The following NPIPB2 variants were observed in gnomAD, a reference collection of about 807,000 sequenced individuals.
The protein encoded by NPIPB2 is nuclear pore complex interacting protein family member B2.
Under a neutral mutation model 30.8 loss-of-function variants are expected in NPIPB2, and 27 were observed. The observed-to-expected ratio is 0.88, with a 90% confidence interval of 0.65 to 1.21. The LOEUF (loss-of-function observed/expected upper bound fraction) is 1.21. Ranked by LOEUF, NPIPB2 falls within the 50% of genes most tolerant of loss-of-function variation. The pLI, the probability that NPIPB2 is intolerant of heterozygous loss-of-function variation, is 0.00. For missense variants in NPIPB2, 440 were observed against 446.2 expected (o/e 0.99, Z 0.13); for synonymous variants, 147 against 162.0 (o/e 0.91, Z 0.70).
intron 1 of NPIPB2, among the ~76,000 whole-genome samples, chr16:11,952,488 G>A (rs1442249687): frequency 6.6e-6 from 1 of 151,926 alleles, no homozygotes; most frequent in Non-Finnish European, 1.5e-5. Flanking sequence ...AATGGAAATA[G>A]GACCCACCTT....
intron 1 of NPIPB2, chr16:11,967,784 T>C (rs1293859731): frequency 3.7e-6 from 6 of 1,614,082 alleles, no homozygotes; most frequent in Middle Eastern, 1.6e-4. Context: ...CGAATGACTA[T>C]TGCAAGAGCC....
At chr16:11,955,403 C>A (rs1022794514) in intron 1 of NPIPB2, among the ~76,000 whole-genome samples, 1 of 143,414 alleles carries the variant, frequency 7.0e-6, no homozygotes, top group Non-Finnish European at 1.5e-5. Flanking sequence ...GAGAGACTAT[C>A]TTTGGATAAG....
intron 1 of NPIPB2, among the ~76,000 whole-genome samples, chr16:11,975,283 G>C (rs1245811619): frequency 7.3e-6 from 1 of 137,334 alleles, no homozygotes; most frequent in Non-Finnish European, 1.6e-5. Context: ...AAGTAGCTGG[G>C]ACTACAGGCG....
At chr16:11,945,656 T>G (rs1835890657), upstream of NPIPB2, among the ~76,000 whole-genome samples, 1 of 151,606 alleles carries the variant, frequency 6.6e-6, no homozygotes, top group African/African-American at 2.4e-5. Context: ...CCAGCCTGGG[T>G]GACAGAGTGA....
At chr16:11,933,647 G>A (rs1171689526) in exon 4 of NPIPB2, 31 of 1,596,680 alleles carry the variant, frequency 1.9e-5, no homozygotes, top group Non-Finnish European at 2.6e-5. Context: ...ACGTCTTTCA[G>A]GCCAATTTTA....
chr16:11,959,250 C>A (rs1276700842), intron 1 of NPIPB2, among the ~76,000 whole-genome samples: 18 of 152,032 alleles, frequency 1.2e-4, no homozygotes, highest in African/African-American at 2.4e-5. Flanking sequence ...TACATCAGCA[C>A]CTGTCTCATA....
chr16:11,943,570 C>T (rs1410486051), upstream of NPIPB2, among the ~76,000 whole-genome samples: 5 of 151,060 alleles, frequency 3.3e-5, no homozygotes, highest in African/African-American at 4.9e-5. Flanking sequence ...GGCATGGTGG[C>T]ACACGCCTGT....
At chr16:11,941,642 C>G (rs2054942151) in intron 1 of NPIPB2, among the ~76,000 whole-genome samples, 1 of 151,822 alleles carries the variant, frequency 6.6e-6, no homozygotes, top group Non-Finnish European at 1.5e-5. Flanking sequence ...CTTCTTCGGT[C>G]TGGGCCCTCC....
intron 1 of NPIPB2, among the ~76,000 whole-genome samples, chr16:11,972,830 T>C (rs1418998688): frequency 6.8e-6 from 1 of 147,328 alleles, no homozygotes; most frequent in Admixed American, 6.9e-5. Context: ...CGCCAGTGCA[T>C]TCCAGGCTGG....
intron 1 of NPIPB2, among the ~76,000 whole-genome samples, chr16:11,961,741 C>T (rs1373121358): frequency 6.7e-6 from 1 of 150,204 alleles, no homozygotes. Flanking sequence ...AATTTTGCCA[C>T]CACACTCCAG....
At chr16:11,933,691 T>C in exon 4 of NPIPB2, 1 of 1,596,966 alleles carries the variant, frequency 6.3e-7, no homozygotes, top group Non-Finnish European at 8.5e-7. Flanking sequence ...TTTCTTTGTG[T>C]GCATACAAAT....
At chr16:11,966,414 T>G in intron 1 of NPIPB2, 1 of 1,482,172 alleles carries the variant, frequency 6.7e-7, no homozygotes, top group Non-Finnish European at 9.2e-7. Context: ...CCTTTTCTTT[T>G]TTTAGCGTTG....
chr16:11,948,627 C>T (rs914727504), intron 1 of NPIPB2, among the ~76,000 whole-genome samples: 50 of 151,528 alleles, frequency 3.3e-4, no homozygotes, highest in East Asian at 1.2e-3. Flanking sequence ...ATTAGCCGGG[C>T]GTAGTGGCGG....
chr16:11,927,798 T>C (rs755070026), exon 8 of NPIPB2: 10 of 1,543,506 alleles, frequency 6.5e-6, no homozygotes, highest in African/African-American at 1.4e-5. Flanking sequence ...TGGCCCATCC[T>C]GTTTTTTAAA....
At chr16:11,971,053 C>T (rs765438714) in intron 1 of NPIPB2, among the ~76,000 whole-genome samples, 6 of 150,534 alleles carry the variant, frequency 4.0e-5, no homozygotes, top group Admixed American at 6.7e-5. Context: ...GATGGAGTTT[C>T]GCCATGTTGC....
intron 1 of NPIPB2, among the ~76,000 whole-genome samples, chr16:11,939,123 A>T (rs1448026678): frequency 6.6e-6 from 1 of 152,156 alleles, no homozygotes; most frequent in Non-Finnish European, 1.5e-5. Flanking sequence ...ATTATATATC[A>T]TATGGTAAAA....
At chr16:11,965,388 A>G (rs559017949) in intron 1 of NPIPB2, 4 of 1,614,242 alleles carry the variant, frequency 2.5e-6, no homozygotes, top group Non-Finnish European at 3.4e-6. Flanking sequence ...GCATGCTTGC[A>G]TACCTTGTCA....
At chr16:11,949,763 T>C (rs2055046272) in intron 1 of NPIPB2, among the ~76,000 whole-genome samples, 1 of 152,198 alleles carries the variant, frequency 6.6e-6, no homozygotes, top group Non-Finnish European at 1.5e-5. Flanking sequence ...CCCTCTTCTT[T>C]AACACCGTTT....
In NPIPB2 at chr16:11,973,026, G is replaced by A. The variant is rs142269635; in HGVS notation, c.-584+3542C>T. Among the ~76,000 whole-genome samples, 161 of 152,028 alleles carry A rather than the reference G, an allele frequency of 1.1e-3. 6 individuals carry two copies. In the East Asian group the frequency reaches 0.026, roughly 25 times the overall value. The stretch of plus-strand genomic sequence containing the variant: ...AAGTATAAAATTAGCCGGGCGCGGT[G>A]GCACATGCCTGTAATCCCAGCTACT... On this transcript the variant is annotated intron_variant, in intron 1 of 5. Coordinates refer to the NPIPB2 transcript ENST00000538896.
Sources: allele counts gnomAD v4.1 joint callset (sites outside exome capture counted in the v4.1 genomes callset), GRCh38; gene constraint gnomAD v4.1.1; transcripts MANE v1.5; gene names NCBI Gene and HGNC (gene_info 2026-07-23, HGNC 2026-07-21).